The following GPR157 variants were observed in gnomAD, a reference collection of about 807,000 sequenced individuals.
The protein encoded by GPR157 is G protein-coupled receptor 157.
In GPR157, 16 loss-of-function variants were observed where a neutral mutation model predicts 23.5. The observed-to-expected ratio is 0.68, with a 90% confidence interval of 0.46 to 1.04. The LOEUF (loss-of-function observed/expected upper bound fraction) is 1.04, where lower values mean the gene tolerates loss of function less well. Among genes scored for constraint, GPR157 ranks in the 50% least tolerant of loss-of-function variants. The pLI, the probability that GPR157 is intolerant of heterozygous loss-of-function variation, is 0.00. For synonymous variants in GPR157, 200 were observed against 221.5 expected, an observed-to-expected ratio of 0.90 and a Z score of 0.86; for missense variants, 440 against 460.7, an observed-to-expected ratio of 0.96 and a Z score of 0.41.
chr1:9,111,535 C>G, intron 1 of GPR157, 46 bp from the exon 2 acceptor site: 1 of 1,525,256 alleles, frequency 6.6e-7, no homozygotes. Flanking sequence ...GGCCATGGCT[C>G]CCGGCAATGT....
intron 1 of GPR157, among the ~76,000 whole-genome samples, chr1:9,122,143 TG>T (rs1254287962): frequency 3.3e-5 from 5 of 152,086 alleles, no homozygotes; most frequent in African/African-American, 1.2e-4. Flanking sequence ...TCCCCTTATG[TG>T]GGAGGTGGGG....
In GPR157 at chr1:9,104,192, C is replaced by G. The variant is rs957785851; in HGVS notation, c.*227G>C. On this transcript the variant is annotated 3_prime_UTR_variant, in exon 4 of 4. Coordinates refer to ENST00000377411, the MANE Select transcript of GPR157 (RefSeq NM_024980.5). ...TCACTGCTACCCTTATGCAGATGAA[C>G]GCCCACCCGTGGGCCAGGACGCTGG... is the stretch of plus-strand genomic sequence containing the variant. 2 of 553,328 alleles carry G rather than the reference C, an allele frequency of 3.6e-6. No homozygotes were observed. The highest frequency in any genetic ancestry group is 3.3e-6 in the Non-Finnish European group (1 of 307,460). 34.3% of individuals were successfully genotyped at this position (553,328 alleles called of 1,614,324 possible).
Position 9,126,078 on chromosome 1 carries a change from C to T in GPR157, c.383+2567G>A, listed in dbSNP as rs187003371. ...TTCCCAGGTTCAAGCGAGTCTCCTG[C>T]CTCAGCTTCCTGAGTAGTTGGGACA... is the stretch of plus-strand genomic sequence containing the variant. On this transcript the variant is annotated intron_variant, in intron 1 of 3. Coordinates refer to ENST00000377411, the MANE Select transcript of GPR157 (RefSeq NM_024980.5). 4.9e-3 allele frequency among the ~76,000 whole-genome samples: 751 copies of T among 152,008 alleles called. 3 individuals are homozygous for T. Among genetic ancestry groups the T allele is most frequent in the Middle Eastern group, 0.01 (3 of 294 alleles).
intron 2 of GPR157, among the ~76,000 whole-genome samples, chr1:9,109,961 C>T (rs1227541319): frequency 6.6e-6 from 1 of 152,128 alleles, no homozygotes; most frequent in African/African-American, 2.4e-5. Flanking sequence ...GGTACACACC[C>T]TCCTACAATT....
intron 2 of GPR157, among the ~76,000 whole-genome samples, chr1:9,106,458 G>A (rs1638331836): frequency 6.6e-6 from 1 of 152,174 alleles, no homozygotes; most frequent in Non-Finnish European, 1.5e-5. Flanking sequence ...TCGCAGCGGG[G>A]CCAACCCTTA....
chr1:9,114,043 AG>A (rs964829472), intron 1 of GPR157, among the ~76,000 whole-genome samples: 2 of 151,172 alleles, frequency 1.3e-5, no homozygotes. Context: ...ATGACAGGCC[AG>A]GCGAGGTGGC....
Position 9,123,543 on chromosome 1 carries a change from T to TCTAATTTAAATATATATTTAAATATAG in GPR157, c.383+5101_383+5102insCTATATTTAAATATATATTTAAATTAG, listed in dbSNP as rs1164666908. Among the ~76,000 whole-genome samples the TCTAATTTAAATATATATTTAAATATAG allele has an allele frequency of 1.0e-3, 20 of 19,742 alleles. 2 individuals are homozygous for TCTAATTTAAATATATATTTAAATATAG. The highest frequency in any genetic ancestry group is 3.6e-3 in the African/African-American group (18 of 5,062). 13.0% of individuals were successfully genotyped at this position (19,742 alleles called of 152,430 possible). The stretch of plus-strand genomic sequence containing the variant: ...TAATTTAAATATATATTTAAATATA[T>TCTAATTTAAATATATATTTAAATATAG]CTAATTTAAATATATATTTAAATAT... On this transcript the variant is annotated intron_variant, in intron 1 of 3. Transcript: ENST00000377411.
intron 1 of GPR157, among the ~76,000 whole-genome samples, chr1:9,125,067 C>T (rs955007335): frequency 1.3e-5 from 2 of 152,086 alleles, no homozygotes; most frequent in Admixed American, 1.3e-4. Context: ...CTTGACCTGC[C>T]GATCTGCCTG....
At chr1:9,114,326 C>CAAA (rs58549365) in intron 1 of GPR157, among the ~76,000 whole-genome samples, 68,144 of 102,480 alleles carry the variant, frequency 0.66, 22,159 homozygotes, top group East Asian at 0.76. Context: ...GAGACTGTCT[C>CAAA]AAAAAAAAAA....
intron 1 of GPR157, among the ~76,000 whole-genome samples, chr1:9,116,873 G>A (rs748241608): frequency 2.0e-5 from 3 of 151,950 alleles, no homozygotes; most frequent in Non-Finnish European, 4.4e-5. Context: ...TCCTGAGTAG[G>A]GGGTACTACA....
At chr1:9,114,444 A>G (rs1638590444) in intron 1 of GPR157, among the ~76,000 whole-genome samples, 1 of 151,948 alleles carries the variant, frequency 6.6e-6, no homozygotes, top group Non-Finnish European at 1.5e-5. Context: ...GAATTCTGGG[A>G]AGGAGGTGAG....
At chr1:9,123,749 T>TATTTAATATTATATATATTTAATATTAA (rs1557701389) in intron 1 of GPR157, among the ~76,000 whole-genome samples, 1 of 128,410 alleles carries the variant, frequency 7.8e-6, no homozygotes, top group African/African-American at 3.0e-5. Flanking sequence ...TTTAATATTA[T>TATTTAATATTATATATATTTAATATTAA]ATATTTAATA....
At chr1:9,123,632 A>AAT (rs1474821398) in intron 1 of GPR157, among the ~76,000 whole-genome samples, 1 of 101,518 alleles carries the variant, frequency 9.9e-6, no homozygotes, top group Admixed American at 1.3e-4. Flanking sequence ...ATATATTTTA[A>AAT]ATATACATTA....
At chr1:9,123,278 ATATATTTAAATT>A (rs1349020143) in intron 1 of GPR157, among the ~76,000 whole-genome samples, 1 of 22,200 alleles carries the variant, frequency 4.5e-5, no homozygotes, top group East Asian at 5.3e-4. Flanking sequence ...ATATTTAAAT[ATATATTTAAATT>A]AATATATATT....
chr1:9,122,588 G>C (rs1413530281), intron 1 of GPR157, among the ~76,000 whole-genome samples: 1 of 152,118 alleles, frequency 6.6e-6, no homozygotes, highest in Non-Finnish European at 1.5e-5. Context: ...CTGGCCACCA[G>C]GTAGAAAGCA....
At chr1:9,119,643 G>A (rs1194872861) in intron 1 of GPR157, among the ~76,000 whole-genome samples, 2 of 152,128 alleles carry the variant, frequency 1.3e-5, no homozygotes, top group African/African-American at 4.8e-5. Context: ...CCAGCTCCTA[G>A]GGCCCCCAAT....
Position 9,105,582 on chromosome 1 carries a change from G to A in GPR157, c.696C>T (p.Leu232=), listed in dbSNP as rs1223341052. Residue 232 remains leucine (L), a synonymous_variant, in exon 3 of 4, where the codon CTC becomes CTT. Coordinates refer to ENST00000377411, the MANE Select transcript of GPR157 (RefSeq NM_024980.5). This position sits in a 1 kb window ranked among gnomAD's most constrained non-coding sequence, Gnocchi z 4.8. ...MADKKLVLIP[L]IFIGLRVWST... Reference sequence around the variant, plus strand: ...TCCAGACCCTGAGGCCGATGAAGATGAGCGGGATGAGCACCAGCTTCTTGT... The same window carrying A: ...TCCAGACCCTGAGGCCGATGAAGATAAGCGGGATGAGCACCAGCTTCTTGT... 3.7e-6 allele frequency: 6 copies of A among 1,610,540 alleles called. No homozygotes were observed. In the East Asian group the frequency reaches 8.9e-5, roughly 24 times the overall value.
Position 9,104,634 on chromosome 1 carries a change from CCT to C in GPR157, c.793-2_793-1del. The C allele has an allele frequency of 6.3e-7, 1 of 1,589,206 alleles. No homozygotes were observed. The highest frequency in any genetic ancestry group is 8.6e-7 in the Non-Finnish European group (1 of 1,164,938). ...CCTCCCTGAAACGTGTTCCCGATAC[CCT>C]GTCGGGAGAAAAGGAGCTGTGAGCA... On this transcript the variant is annotated splice_acceptor_variant, in intron 3 of 3. Coordinates refer to ENST00000377411, the MANE Select transcript of GPR157 (RefSeq NM_024980.5). LOFTEE classifies it high-confidence loss of function.
At chr1:9,121,963 G>A (rs1445357663) in intron 1 of GPR157, among the ~76,000 whole-genome samples, 1 of 152,212 alleles carries the variant, frequency 6.6e-6, no homozygotes, top group East Asian at 1.9e-4. Context: ...GAGCTGTCCC[G>A]ACCCTTTAGC....
Sources: allele counts gnomAD v4.1 joint callset (sites outside exome capture counted in the v4.1 genomes callset), GRCh38; gene constraint gnomAD v4.1.1; non-coding constraint Gnocchi (gnomAD v3.1); transcripts MANE v1.5; gene names NCBI Gene and HGNC (gene_info 2026-07-23, HGNC 2026-07-21).